The following CCDC7 variants were observed in gnomAD, a reference collection of about 807,000 sequenced individuals.
CCDC7 encodes coiled-coil domain-containing protein 7.
In CCDC7, 183 loss-of-function variants were observed where a neutral mutation model predicts 196.9. That is an observed-to-expected ratio of 0.93 (90% CI 0.82 to 1.05). The LOEUF (loss-of-function observed/expected upper bound fraction) is 1.05, where lower values mean the gene tolerates loss of function less well. Ranked by LOEUF, CCDC7 falls within the 50% of genes least tolerant of loss-of-function variation. CCDC7 has a pLI of 0.00. For synonymous variants in CCDC7, 525 were observed against 484.6 expected, an observed-to-expected ratio of 1.08 and a Z score of -1.10; for missense variants, 1,540 against 1,482.2, an observed-to-expected ratio of 1.04 and a Z score of -0.64.
chr10:32,450,220 G>A (rs1205947076), upstream of CCDC7, among the ~76,000 whole-genome samples: 1 of 152,136 alleles, frequency 6.6e-6, no homozygotes, highest in Admixed American at 6.5e-5. Flanking sequence ...AGCTTCTGGT[G>A]GATGCTAGCA....
At chr10:32,548,528 C>A (rs1476836707) in intron 13 of CCDC7, among the ~76,000 whole-genome samples, 1 of 152,140 alleles carries the variant, frequency 6.6e-6, no homozygotes, top group Non-Finnish European at 1.5e-5. Flanking sequence ...AAATGGCGGA[C>A]AAAGAACACG....
At chr10:32,870,138 A>G (rs1226153694) in intron 41 of CCDC7, among the ~76,000 whole-genome samples, 1 of 152,096 alleles carries the variant, frequency 6.6e-6, no homozygotes, top group African/African-American at 2.4e-5. Context: ...GAAGAAAGTC[A>G]TTGGTAGCTT....
At chr10:32,848,503 A>T in intron 38 of CCDC7, 93 bp from the exon 40 acceptor site, 1 of 944,872 alleles carries the variant, frequency 1.1e-6, no homozygotes, top group Non-Finnish European at 1.6e-6. Context: ...AAAAATTACC[A>T]AGGCAGAAAT....
chr10:32,709,192 A>G (rs1265103680), intron 24 of CCDC7, among the ~76,000 whole-genome samples: 1 of 151,992 alleles, frequency 6.6e-6, no homozygotes, highest in African/African-American at 2.4e-5. Flanking sequence ...GAAGCTGGAA[A>G]CCATCATTCT....
downstream of CCDC7, among the ~76,000 whole-genome samples, chr10:32,877,855 C>T (rs2488306): frequency 0.34 from 52,115 of 151,984 alleles, 11,333 homozygotes; most frequent in Non-Finnish European, 0.49. Context: ...GATTCTAATA[C>T]GCAGCCAGAG....
chr10:32,496,819 T>A (rs1051881895), intron 9 of CCDC7, among the ~76,000 whole-genome samples: 13 of 152,196 alleles, frequency 8.5e-5, no homozygotes, highest in African/African-American at 3.1e-4. Context: ...ATTTTCTCAT[T>A]GATGTTCATC....
intron 20 of CCDC7, among the ~76,000 whole-genome samples, chr10:32,659,900 G>T (rs987647791): frequency 6.6e-6 from 1 of 152,154 alleles, no homozygotes; most frequent in Admixed American, 6.5e-5. Flanking sequence ...TTCAACCATT[G>T]TGGAAGACAG....
intron 28 of CCDC7, among the ~76,000 whole-genome samples, chr10:32,774,237 C>T (rs770659298): frequency 1.3e-5 from 2 of 151,986 alleles, no homozygotes; most frequent in Non-Finnish European, 2.9e-5. Context: ...CTGATTGGAG[C>T]ACAGAACACC....
At chr10:32,678,113 G>A (rs1640880152) in intron 21 of CCDC7, among the ~76,000 whole-genome samples, 1 of 151,704 alleles carries the variant, frequency 6.6e-6, no homozygotes, top group Admixed American at 6.6e-5. Context: ...TTGTTCATGT[G>A]TTGTTTCCCT....
chr10:32,851,989 A>G, intron 40 of CCDC7, 57 bp downstream of exon 41: 1 of 1,496,956 alleles, frequency 6.7e-7, no homozygotes, highest in Non-Finnish European at 8.9e-7. Context: ...CTATAACTAA[A>G]TGTAAATAAC....
At chr10:32,484,596 C>T (rs990256539) in intron 8 of CCDC7, among the ~76,000 whole-genome samples, 1 of 152,094 alleles carries the variant, frequency 6.6e-6, no homozygotes, top group Admixed American at 6.6e-5. Context: ...GGAATGCTTC[C>T]AGTTTTTGCC....
At chr10:32,876,527 A>G, downstream of CCDC7, 1 of 828,406 alleles carries the variant, frequency 1.2e-6, no homozygotes, top group Non-Finnish European at 1.9e-6. Context: ...ACAGCTGGAA[A>G]TACAGTGGAT....
intron 13 of CCDC7, among the ~76,000 whole-genome samples, chr10:32,555,435 G>A (rs1314994532): frequency 6.6e-6 from 1 of 151,952 alleles, no homozygotes; most frequent in African/African-American, 2.4e-5. Context: ...TAGTAGAGGC[G>A]GGGTTTCACC....
intron 29 of CCDC7, among the ~76,000 whole-genome samples, chr10:32,789,511 A>G (rs1198931036): frequency 2.0e-5 from 3 of 152,074 alleles, no homozygotes; most frequent in Non-Finnish European, 2.9e-5. Context: ...AGTAAACTTG[A>G]ACACAGATCA....
At chr10:32,513,999 A>G (rs2046639400) in intron 9 of CCDC7, 1 of 152,210 alleles carries the variant, frequency 6.6e-6, no homozygotes, top group Non-Finnish European at 1.5e-5. Context: ...TTATGGAAGA[A>G]AAGGAAATAA....
intron 28 of CCDC7, among the ~76,000 whole-genome samples, chr10:32,743,666 A>T (rs2074180583): frequency 6.6e-6 from 1 of 152,138 alleles, no homozygotes; most frequent in African/African-American, 2.4e-5. Context: ...TATAAATGAT[A>T]CTGCTATAAA....
At chr10:32,495,304 G>A (rs189049526) in intron 9 of CCDC7, among the ~76,000 whole-genome samples, 37 of 152,176 alleles carry the variant, frequency 2.4e-4, no homozygotes, top group African/African-American at 8.7e-4. Context: ...TTTGTAAGAT[G>A]GATAGATTGC....
chr10:32,552,846 T>C (rs2053697081), intron 13 of CCDC7, among the ~76,000 whole-genome samples: 1 of 152,204 alleles, frequency 6.6e-6, no homozygotes, highest in Admixed American at 6.5e-5. Flanking sequence ...CTCACAGCTC[T>C]TAAGATTCTT....
intron 32 of CCDC7, among the ~76,000 whole-genome samples, chr10:32,827,570 C>T (rs539898740): frequency 2.9e-4 from 44 of 150,296 alleles, no homozygotes; most frequent in African/African-American, 1.1e-3. Flanking sequence ...AGCGTGTTCT[C>T]ACTCATAGAT....
Sources: gnomAD v4.1 joint callset for allele counts (sites outside exome capture counted in the v4.1 genomes callset) on GRCh38, gnomAD v4.1.1 for gene constraint, MANE v1.5 for transcripts, NCBI Gene and HGNC (gene_info 2026-07-23, HGNC 2026-07-21) for gene names.